The following OFD1 variants were observed in gnomAD, a reference collection of about 807,000 sequenced individuals.
OFD1 encodes centriole and centriolar satellite protein OFD1.
Under a neutral mutation model 81.4 loss-of-function variants are expected in OFD1, and 12 were observed. That is an observed-to-expected ratio of 0.15 (90% CI 0.09 to 0.24). The LOEUF is 0.24. Ranked by LOEUF, OFD1 falls within the 10% of genes least tolerant of loss-of-function variation. The pLI is 1.00. For missense variants in OFD1, 685 were observed against 733.9 expected (o/e 0.93, Z 0.77); for synonymous variants, 256 against 263.7 (o/e 0.97, Z 0.28).
At chrX:13,747,012 C>T (rs774826150) in intron 8 of OFD1, 59 bp downstream of exon 8, 10 of 1,034,895 alleles carry the variant, frequency 9.7e-6, no homozygotes, top group South Asian at 3.8e-5. Flanking sequence ...TAGGTTGGCT[C>T]GAGATCCAGC....
At chrX:13,762,106 T>A (rs186922085) in intron 17 of OFD1, among the ~76,000 whole-genome samples, 39 of 110,888 alleles carry the variant, frequency 3.5e-4, no homozygotes, top group Non-Finnish European at 1.5e-4. Flanking sequence ...CATTATTCTT[T>A]ATTAACAACT....
In OFD1 at chrX:13,767,235, A is replaced by C; in HGVS notation, c.2708A>C (p.Glu903Ala). 8.3e-7 allele frequency: 1 copy of C among 1,210,980 alleles called. No individual in the cohort carries two copies. Residue 903 changes from glutamate to alanine, a missense_variant, in exon 20 of 23, where the codon GAA becomes GCA. Glu to Ala is a moderately radical substitution (Grantham distance 107, BLOSUM62 -1). Around this residue, in one of 3 missense-constraint regions of OFD1, gnomAD observed 259 missense variants for 254.4 expected, o/e 1.02. Coordinates refer to ENST00000340096, the MANE Select transcript of OFD1 (RefSeq NM_003611.3). ...GAAAGAAGGCAGAGTAACCTACAAG[A>C]AGTTTTAGAAAGGGAACGAAGAGAA... ...REERRQSNLQ[E>A]VLERERRELE... is the part of the protein sequence containing the mutation.
chrX:13,740,728 G>C (rs1199911096), intron 5 of OFD1, among the ~76,000 whole-genome samples: 1 of 109,007 alleles, frequency 9.2e-6, no homozygotes, highest in Non-Finnish European at 1.9e-5. Flanking sequence ...GAGAGGCGAA[G>C]GTTGCGGTGA....
At chrX:13,771,944 G>A (rs2048306509), downstream of OFD1, 1 of 112,529 alleles carries the variant, frequency 8.9e-6, no homozygotes, top group East Asian at 2.8e-4. Flanking sequence ...TAGTTGGTAT[G>A]AAACTGTAAA....
Position 13,746,839 on chromosome X carries a change from T to C in OFD1, c.714T>C (p.Tyr238=), listed in dbSNP as rs139848884. The stretch of plus-strand genomic sequence containing the variant: ...TTAAAATGGAAGCAAAAAAAAAGTA[T>C]GAAAAGGAGTTAACCATGTTCCAGA... The part of the protein sequence containing the change: ...AKIKMEAKKK[Y]EKELTMFQND... The change falls in exon 8 of 23, where the codon TAT becomes TAC. Residue 238 remains tyrosine (Y), a synonymous_variant. Transcript: ENST00000340096. 1,358 of 1,202,057 alleles carry C rather than the reference T, an allele frequency of 1.1e-3. 10 individuals are homozygous for C. The African/African-American group carries it at 0.021, about 18-fold the overall frequency.
chrX:13,756,851 A>AT (rs2047729385), intron 13 of OFD1, 84 bp downstream of exon 13: 2 of 746,727 alleles, frequency 2.7e-6, no homozygotes, highest in South Asian at 4.4e-5. Flanking sequence ...TTGTACTTGT[A>AT]TAAGGTAGGG....
intron 12 of OFD1, 31 bp downstream of exon 12, chrX:13,755,273 A>C: frequency 9.7e-7 from 1 of 1,027,596 alleles, no homozygotes; most frequent in Non-Finnish European, 1.4e-6. Flanking sequence ...TTTTTGAAAT[A>C]GATTTTAAGC....
At chrX:13,739,311 AAAAC>A in intron 5 of OFD1, 1 of 322,442 alleles carries the variant, frequency 3.1e-6, no homozygotes, top group Non-Finnish European at 5.3e-6. Context: ...AAAAAAAAAA[AAAAC>A]TAATAACTTT....
At chrX:13,748,706 C>T (rs778347978) in intron 8 of OFD1, among the ~76,000 whole-genome samples, 3 of 111,435 alleles carry the variant, frequency 2.7e-5, no homozygotes, top group African/African-American at 9.8e-5. Flanking sequence ...CAGAATGACC[C>T]GTGAACTGAA....
rs1602907726 is a variant in OFD1, at chrX:13,761,151, C to G, written c.2327C>G (p.Thr776Ser). 3 of 1,208,507 alleles carry G rather than the reference C, an allele frequency of 2.5e-6. No homozygotes were observed. In the African/African-American group the frequency reaches 5.3e-5, roughly 21 times the overall value. The change falls in exon 17 of 23, where the codon ACT (threonine) becomes AGT (serine). Residue 776 changes from threonine (T) to serine (S), a missense_variant. By Grantham distance (58) the Thr-to-Ser change is moderately conservative. Transcript: ENST00000340096. ...GACAGAATGCCCCTACCATCACCCACTGAGTCTAGGCACAGCCTCTCCATC... is the reference window on the plus strand; with the variant it reads ...GACAGAATGCCCCTACCATCACCCAGTGAGTCTAGGCACAGCCTCTCCATC... ...CPDRMPLPSP[T>S]ESRHSLSIPP...
intron 3 of OFD1, among the ~76,000 whole-genome samples, chrX:13,737,044 G>A (rs2046893601): frequency 8.9e-6 from 1 of 111,842 alleles, no homozygotes; most frequent in East Asian, 2.8e-4. Flanking sequence ...TGTGTGTTAC[G>A]GATGAGGAAC....
chrX:13,763,637 A>T, intron 18 of OFD1, 108 bp from the exon 19 acceptor site: 1 of 590,798 alleles, frequency 1.7e-6, no homozygotes, highest in Non-Finnish European at 2.9e-6. Context: ...GCACCCAGTT[A>T]CTTTGGCTTC....
intron 13 of OFD1, 89 bp from the exon 14 acceptor site, chrX:13,757,570 TA>T: frequency 1.0e-6 from 1 of 999,619 alleles, no homozygotes. Context: ...AAGAACACTT[TA>T]AAACCCCTTT....
intron 6 of OFD1, among the ~76,000 whole-genome samples, chrX:13,745,803 T>TG (rs2047271018): frequency 8.9e-6 from 1 of 112,316 alleles, no homozygotes; most frequent in Non-Finnish European, 1.9e-5. Context: ...ATCCTGGTTA[T>TG]GCTGTCATGT....
upstream of OFD1, among the ~76,000 whole-genome samples, chrX:13,730,268 A>G (rs947188866): frequency 8.9e-6 from 1 of 111,781 alleles, no homozygotes; most frequent in Admixed American, 9.5e-5. Context: ...AGATATGAAC[A>G]GAGACTTCTC....
At chrX:13,739,265 G>T in intron 5 of OFD1, 98 of 197,853 alleles carry the variant, frequency 5.0e-4, no homozygotes, top group East Asian at 1.5e-3. Context: ...GATACTGTTT[G>T]TAAAAATACC....
chrX:13,753,877 A>G (rs1459057340), intron 11 of OFD1, among the ~76,000 whole-genome samples: 1 of 112,037 alleles, frequency 8.9e-6, no homozygotes, highest in East Asian at 2.8e-4. Flanking sequence ...TTTATGCTTT[A>G]TAATATTTTT....
At chrX:13,740,064 C>G (rs2047031374) in intron 5 of OFD1, 8 of 942,859 alleles carry the variant, frequency 8.5e-6, no homozygotes, top group African/African-American at 2.0e-5. Context: ...AGAACTTAAT[C>G]ATTTGAATAC....
At chrX:13,737,539 C>T (rs1169821975) in intron 3 of OFD1, among the ~76,000 whole-genome samples, 1 of 110,303 alleles carries the variant, frequency 9.1e-6, no homozygotes, top group African/African-American at 3.3e-5. Context: ...TTGCTACAAT[C>T]TATAAGCCTA....
Sources: gnomAD v4.1 joint callset for allele counts (sites outside exome capture counted in the v4.1 genomes callset) on GRCh38, gnomAD v4.1.1 for gene constraint, gnomAD v4.1.1 regional missense constraint, MANE v1.5 for transcripts, NCBI Gene and HGNC (gene_info 2026-07-23, HGNC 2026-07-21) for gene names.